HOXD10: variants seen among roughly 807,000 people sequenced by gnomAD.
The protein encoded by HOXD10 is homeobox protein Hox-D10.
HOXD10 carries 15 observed loss-of-function variants against 27.0 expected under a neutral mutation model. That is an observed-to-expected ratio of 0.56 (90% CI 0.37 to 0.85). The LOEUF (loss-of-function observed/expected upper bound fraction) is 0.85. Ranked by LOEUF, HOXD10 falls within the 40% of genes least tolerant of loss-of-function variation. The pLI, the probability that HOXD10 is intolerant of heterozygous loss-of-function variation, is 0.00. For missense variants in HOXD10, 440 were observed against 430.4 expected (o/e 1.02, Z -0.20); for synonymous variants, 178 against 160.9 (o/e 1.11, Z -0.80).
In HOXD10 at chr2:176,119,285, C is replaced by A. The variant is rs1043109481; in HGVS notation, c.*54C>A. On this transcript the variant is annotated 3_prime_UTR_variant, in exon 2 of 2. Coordinates refer to ENST00000249501, the MANE Select transcript of HOXD10 (RefSeq NM_002148.4). Reference sequence around the variant, plus strand: ...GGCCAGGATTGGAGAGGGGGCACCGCGTTCCAGGGCCCAGTGCTGGAGGAC... The same window carrying A: ...GGCCAGGATTGGAGAGGGGGCACCGAGTTCCAGGGCCCAGTGCTGGAGGAC... 3.2e-6 allele frequency: 5 copies of A among 1,572,518 alleles called. No homozygotes were observed. The highest frequency in any genetic ancestry group is 4.4e-6 in the Non-Finnish European group (5 of 1,147,742).
Position 176,117,208 on chromosome 2 carries a change from G to T in HOXD10, c.375G>T (p.Ser125=). 6.2e-7 allele frequency: 1 copy of T among 1,612,886 alleles called. No homozygotes were observed. The highest frequency in any genetic ancestry group is 2.2e-5 in the East Asian group (1 of 44,862). ...MYSDKRNKLI[S]AEVPSYQRLV... is the part of the protein sequence containing the mutation. Reference sequence around the variant, plus strand: ...CTGATAAGCGCAACAAACTCATTTCGGCCGAGGTCCCTTCGTACCAGAGGC... The same window carrying T: ...CTGATAAGCGCAACAAACTCATTTCTGCCGAGGTCCCTTCGTACCAGAGGC... The change falls in exon 1 of 2, where the codon TCG becomes TCT. Residue 125 remains serine, a synonymous_variant. Transcript: ENST00000249501.
intron 1 of HOXD10, 94 bp downstream of exon 1, chr2:176,117,672 C>A (rs1689785185): frequency 1.4e-6 from 2 of 1,434,726 alleles, no homozygotes; most frequent in Non-Finnish European, 9.7e-7. Context: ...GAGCCGGAGC[C>A]CGACTTGGCA....
At chr2:176,118,560 A>G (rs892710231) in intron 1 of HOXD10, among the ~76,000 whole-genome samples, 1 of 152,176 alleles carries the variant, frequency 6.6e-6, no homozygotes, top group African/African-American at 2.4e-5. Context: ...GTCGTGGCGT[A>G]TTCCCCTCCG....
Position 176,118,960 on chromosome 2 carries a change from T to A in HOXD10, c.752T>A (p.Ile251Asn). 1 of 1,612,638 alleles carries A rather than the reference T, an allele frequency of 6.2e-7. No homozygotes were observed. The highest frequency in any genetic ancestry group is 1.3e-5 in the African/African-American group (1 of 74,930). The change falls in exon 2 of 2, where the codon ATC (isoleucine) becomes AAC (asparagine). Residue 251 changes from isoleucine to asparagine, a missense_variant. Coordinates refer to ENST00000249501, the MANE Select transcript of HOXD10 (RefSeq NM_002148.4). ...CTCCCTTTAATTTTGTTAGAGGAAATCAAGTCTGATACACCAACCAGCAAT... is the reference window on the plus strand; with the variant it reads ...CTCCCTTTAATTTTGTTAGAGGAAAACAAGTCTGATACACCAACCAGCAAT... ...EVQEKESKEE[I>N]KSDTPTSNWL...
intron 1 of HOXD10, 95 bp from the exon 2 acceptor site, chr2:176,118,859 A>G: frequency 8.3e-7 from 1 of 1,209,304 alleles, no homozygotes; most frequent in East Asian, 2.5e-5. Context: ...AACAAAAACG[A>G]AAACCAAAAC....
Position 176,119,695 on chromosome 2 carries a change from A to AT in HOXD10, c.*467dup, listed in dbSNP as rs1437535315. On this transcript the variant is annotated 3_prime_UTR_variant, in exon 2 of 2. Transcript: ENST00000249501. ...CCAGTACTTTAAAAATGACATATAT[A>AT]TTTAAAAAAAAAAGATTAAGAAAAC... 3.3e-5 allele frequency: 5 copies of AT among 151,614 alleles called. No individual in the cohort carries two copies. Among genetic ancestry groups the AT allele is most frequent in the African/African-American group, 7.3e-5 (3 of 41,036 alleles). The allele number at this position is 151,614 out of a possible 1,614,324, so 9.4% of individuals were successfully genotyped here. A position where few individuals can be genotyped will look rare whatever the true frequency, so the allele number is the denominator to read the frequency against.
rs1689763159 is a variant in HOXD10 at position 176,116,803 on chromosome 2, A to T, written c.-31A>T. 1 of 1,604,660 alleles carries T rather than the reference A, an allele frequency of 6.2e-7. No homozygotes were observed. ...CTAGAGATGTCAGCCTACAAAGGAC[A>T]CAATCTCTCTTCTTCAAATTCTTCC... On this transcript the variant is annotated 5_prime_UTR_variant, in exon 1 of 2. Transcript: ENST00000249501.
Position 176,119,871 on chromosome 2 carries a change from C to T in HOXD10, c.*640C>T, listed in dbSNP as rs1010016161. The T allele has an allele frequency of 6.6e-6, 1 of 152,570 alleles. No homozygotes were observed. Among genetic ancestry groups the T allele is most frequent in the African/African-American group, 2.4e-5 (1 of 41,398 alleles). The allele number at this position is 152,570 out of a possible 1,614,324, so 9.5% of individuals were successfully genotyped here. A position where few individuals can be genotyped will look rare whatever the true frequency, so the allele number is the denominator to read the frequency against. On this transcript the variant is annotated 3_prime_UTR_variant, in exon 2 of 2. Coordinates refer to ENST00000249501, the MANE Select transcript of HOXD10 (RefSeq NM_002148.4). ...GTGCATCTGTGGTTTGGTAGAAGTA[C>T]AACAGCAACCTGTCCTTTCTGTGCA... is the stretch of plus-strand genomic sequence containing the variant.
Position 176,117,112 on chromosome 2 carries a change from T to C in HOXD10, c.279T>C (p.Pro93=). 2 of 1,614,204 alleles carry C rather than the reference T, an allele frequency of 1.2e-6. No homozygotes were observed. The highest frequency in any genetic ancestry group is 1.7e-6 in the Non-Finnish European group (2 of 1,180,028). ...ACAGATCTTGTCGAATAGAGCAACC[T>C]GTTACACAGCAAGTCCCCACTTGCT... ...DPNRSCRIEQ[P]VTQQVPTCSF... The change falls in exon 1 of 2, where the codon CCT becomes CCC. Residue 93 remains proline (P), a synonymous_variant. Transcript: ENST00000249501.
In HOXD10 at chr2:176,117,294, T is replaced by C. The variant is rs1689773174; in HGVS notation, c.461T>C (p.Leu154Pro). Residue 154 changes from leucine (L) to proline (P), a missense_variant, in exon 1 of 2, where the codon CTG (leucine) becomes CCG (proline). Physicochemically the swap from Leu to Pro is moderately conservative, Grantham distance 98. Coordinates refer to ENST00000249501, the MANE Select transcript of HOXD10 (RefSeq NM_002148.4). ...PEVPVPGYFR[L>P]SQTYATGKTQ... ...GTTCCCGTCCCTGGATATTTTAGAC[T>C]GAGTCAGACCTACGCCACCGGGAAA... 6.2e-7 allele frequency: 1 copy of C among 1,611,548 alleles called. No individual in the cohort carries two copies. Among genetic ancestry groups the C allele is most frequent in the Non-Finnish European group, 8.5e-7 (1 of 1,178,152 alleles).
In HOXD10 at chr2:176,117,367, C is replaced by G. The variant is rs767800637; in HGVS notation, c.534C>G (p.Leu178=). 1.2e-6 allele frequency: 2 copies of G among 1,613,530 alleles called. No homozygotes were observed. The highest frequency in any genetic ancestry group is 8.5e-7 in the Non-Finnish European group (1 of 1,180,008). Reference sequence around the variant, plus strand: ...CCGAAGGCAGCTCCACTGTCATGCTCCAGCTCAACCCTCGTGGCGCGGCCA... The same window carrying G: ...CCGAAGGCAGCTCCACTGTCATGCTGCAGCTCAACCCTCGTGGCGCGGCCA... ...NSPEGSSTVM[L]QLNPRGAAKP... is the part of the protein sequence containing the mutation. The change falls in exon 1 of 2, where the codon CTC becomes CTG. Residue 178 remains leucine, a synonymous_variant. Transcript: ENST00000249501.
rs1325188862 is a variant in HOXD10 at position 176,119,825 on chromosome 2, C to T, written c.*594C>T. 1 of 152,572 alleles carries T rather than the reference C, an allele frequency of 6.6e-6. No homozygotes were observed. Among genetic ancestry groups the T allele is most frequent in the African/African-American group, 2.4e-5 (1 of 41,422 alleles). The allele number at this position is 152,572 out of a possible 1,614,324, so 9.5% of individuals were successfully genotyped here. ...TGAGATGGGATATTGGCGATTTATG[C>T]CTTGTAGCCTTTCCCTTGTGGTGCA... On this transcript the variant is annotated 3_prime_UTR_variant, in exon 2 of 2. Coordinates refer to ENST00000249501, the MANE Select transcript of HOXD10 (RefSeq NM_002148.4).
Position 176,117,072 on chromosome 2 carries a change from G to T in HOXD10, c.239G>T (p.Ser80Ile), listed in dbSNP as rs1348947238. The T allele has an allele frequency of 6.2e-7, 1 of 1,614,210 alleles. No individual in the cohort carries two copies. Among genetic ancestry groups the T allele is most frequent in the Non-Finnish European group, 8.5e-7 (1 of 1,180,046 alleles). ...CATCCTTATATACCTCAAGTAGACA[G>T]TTGGACAGATCCGAACAGATCTTGT... is the stretch of plus-strand genomic sequence containing the variant. Reference protein sequence around the residue: ...NVHPYIPQVDSWTDPNRSCRI... With the variant: ...NVHPYIPQVDIWTDPNRSCRI... Residue 80 changes from serine (S) to isoleucine (I), a missense_variant, in exon 1 of 2, where the codon AGT becomes ATT. Physicochemically the swap from Ser to Ile is moderately radical, Grantham distance 142. Coordinates refer to ENST00000249501, the MANE Select transcript of HOXD10 (RefSeq NM_002148.4).
Position 176,119,465 on chromosome 2 carries a change from A to ATATG in HOXD10, c.*234_*235insTATG, listed in dbSNP as rs1559118669. On this transcript the variant is annotated 3_prime_UTR_variant, in exon 2 of 2. Coordinates refer to ENST00000249501, the MANE Select transcript of HOXD10 (RefSeq NM_002148.4). ...TATATATATATATATATATATATATAAAAACTTAGCACGTGTAATTTATTA... is the reference window on the plus strand; with the variant it reads ...TATATATATATATATATATATATATATATGAAAACTTAGCACGTGTAATTTATTA... 1 of 140,932 alleles carries ATATG rather than the reference A, an allele frequency of 7.1e-6. No homozygotes were observed. The highest frequency in any genetic ancestry group is 2.9e-4 in the East Asian group (1 of 3,406). 8.7% of individuals were successfully genotyped at this position (140,932 alleles called of 1,614,324 possible). A position where few individuals can be genotyped will look rare whatever the true frequency, so the allele number is the denominator to read the frequency against.
rs1378675941 is a variant in HOXD10 at position 176,117,517 on chromosome 2, G to A, written c.684G>A (p.Glu228=). 6 of 1,613,166 alleles carry A rather than the reference G, an allele frequency of 3.7e-6. No individual in the cohort carries two copies. The highest frequency in any genetic ancestry group is 2.2e-5 in the South Asian group (2 of 91,082). Residue 228 remains glutamate (E), a synonymous_variant, in exon 1 of 2, where the codon GAG becomes GAA. Transcript: ENST00000249501. ...SPEAKGGLPE[E]RSCLAEVSVS... is the part of the protein sequence containing the mutation. ...AGGCCAAAGGCGGCCTTCCCGAAGA[G>A]AGGAGCTGCCTGGCTGAGGTCTCCG...
intron 1 of HOXD10, among the ~76,000 whole-genome samples, chr2:176,117,925 C>G (rs1159718047): frequency 1.3e-5 from 2 of 152,206 alleles, no homozygotes; most frequent in Admixed American, 6.5e-5. Context: ...ATTTGCAGTT[C>G]CAGTTTTGCC....
chr2:176,117,560 CAGG>C lies in HOXD10; in HGVS notation c.730_732del (p.Glu244del). Reference sequence around the variant, plus strand: ...GGTCTCCGTGTCCAGTCCCGAAGTGCAGGAGAAGGAAAGCAAAGGTCGGTATGA... The same window carrying C: ...GGTCTCCGTGTCCAGTCCCGAAGTGCAGAAGGAAAGCAAAGGTCGGTATGA... On this transcript the variant is annotated inframe_deletion, in exon 1 of 2. Transcript: ENST00000249501. The C allele has an allele frequency of 6.2e-7, 1 of 1,613,146 alleles. No homozygotes were observed. The highest frequency in any genetic ancestry group is 1.1e-5 in the South Asian group (1 of 91,084).
Position 176,116,983 on chromosome 2 carries a change from C to T in HOXD10, c.150C>T (p.Thr50=), listed in dbSNP as rs1463807169. ...SADMGTYGMQ[T]CGLLPSLAKR... ...ACATGGGGACCTATGGAATGCAAAC[C>T]TGTGGACTGCTCCCGTCTCTGGCCA... Residue 50 remains threonine (T), a synonymous_variant, in exon 1 of 2, where the codon ACC becomes ACT. Coordinates refer to ENST00000249501, the MANE Select transcript of HOXD10 (RefSeq NM_002148.4). 2.2e-5 allele frequency: 36 copies of T among 1,614,040 alleles called. No homozygotes were observed. The highest frequency in any genetic ancestry group is 2.9e-5 in the Non-Finnish European group (34 of 1,180,038).
At chr2:176,117,781 C>G (rs182156452) in intron 1 of HOXD10, among the ~76,000 whole-genome samples, 1 of 152,212 alleles carries the variant, frequency 6.6e-6, no homozygotes, top group South Asian at 2.1e-4. Flanking sequence ...CCTGGCCCCA[C>G]GCTGATGGCG....
Sources: allele counts gnomAD v4.1 joint callset (sites outside exome capture counted in the v4.1 genomes callset), GRCh38; gene constraint gnomAD v4.1.1; transcripts MANE v1.5; gene names NCBI Gene and HGNC (gene_info 2026-07-23, HGNC 2026-07-21).